GRM8: variants seen among roughly 807,000 people sequenced by gnomAD.
GRM8 encodes metabotropic glutamate receptor 8.
In GRM8, 47 loss-of-function variants were observed where a neutral mutation model predicts 87.2. The ratio of observed to expected loss-of-function variants is 0.54; its 90% CI spans 0.43 to 0.69. The LOEUF (loss-of-function observed/expected upper bound fraction) is 0.69. Among genes scored for constraint, GRM8 ranks in the 30% least tolerant of loss-of-function variants. GRM8 has a pLI of 0.00. For synonymous variants in GRM8, 396 were observed against 404.5 expected (o/e 0.98, Z 0.25); for missense variants, 1,019 against 1,139.2 (o/e 0.89, Z 1.52).
At chr7:127,079,472 A>G (rs1316761690) in intron 3 of GRM8, among the ~76,000 whole-genome samples, 1 of 152,230 alleles carries the variant, frequency 6.6e-6, no homozygotes, top group African/African-American at 2.4e-5. Context: ...TTCTAAGGAT[A>G]GATATTTCAT....
intron 2 of GRM8, among the ~76,000 whole-genome samples, chr7:127,107,293 T>C (rs531955968): frequency 6.6e-6 from 1 of 152,356 alleles, no homozygotes; most frequent in Non-Finnish European, 1.5e-5. Context: ...ATTTGAGAAT[T>C]GCCAGCAGCC....
At chr7:127,055,851 A>G (rs1218560221) in intron 3 of GRM8, among the ~76,000 whole-genome samples, 1 of 152,176 alleles carries the variant, frequency 6.6e-6, no homozygotes, top group African/African-American at 2.4e-5. Context: ...TAGGGTAAAC[A>G]AGATTCTGGG....
intron 3 of GRM8, among the ~76,000 whole-genome samples, chr7:127,010,890 GA>G (rs1363265382): frequency 6.6e-6 from 1 of 151,968 alleles, no homozygotes; most frequent in Admixed American, 6.6e-5. Flanking sequence ...TTTAATGAAA[GA>G]AAGAGAAAGA....
At chr7:127,018,153 C>T (rs1016785892) in intron 3 of GRM8, among the ~76,000 whole-genome samples, 8 of 151,476 alleles carry the variant, frequency 5.3e-5, no homozygotes, top group Non-Finnish European at 1.2e-4. Flanking sequence ...GTAATAAATA[C>T]GCAAAAAAGA....
chr7:126,827,640 TA>T (rs1401828775), intron 6 of GRM8, among the ~76,000 whole-genome samples: 1 of 152,228 alleles, frequency 6.6e-6, no homozygotes, highest in Non-Finnish European at 1.5e-5. Context: ...TTTCTAGATA[TA>T]TAATCATGTC....
intron 3 of GRM8, among the ~76,000 whole-genome samples, chr7:126,987,062 G>T (rs1751265384): frequency 6.6e-6 from 1 of 152,164 alleles, no homozygotes. Flanking sequence ...GAACCTATGA[G>T]TCTGGCTCCA....
intron 6 of GRM8, among the ~76,000 whole-genome samples, chr7:126,816,446 A>C (rs1332216456): frequency 1.5e-4 from 23 of 152,140 alleles, no homozygotes. Context: ...CCAGAATACT[A>C]AACTCTAGCA....
At chr7:126,865,830 T>C (rs893124376) in intron 6 of GRM8, among the ~76,000 whole-genome samples, 1 of 152,218 alleles carries the variant, frequency 6.6e-6, no homozygotes, top group African/African-American at 2.4e-5. Flanking sequence ...TGTTCATTAA[T>C]TGATGGATAT....
chr7:126,547,805 A>G (rs1016234829), intron 8 of GRM8, among the ~76,000 whole-genome samples: 1 of 152,112 alleles, frequency 6.6e-6, no homozygotes, highest in Admixed American at 6.6e-5. Context: ...ACATATAAAA[A>G]TATACAAACA....
chr7:127,083,750 C>T (rs1472071719), intron 3 of GRM8, among the ~76,000 whole-genome samples: 2 of 152,122 alleles, frequency 1.3e-5, no homozygotes. Context: ...AGGAATGCTG[C>T]TCCCTTTTCC....
intron 2 of GRM8, among the ~76,000 whole-genome samples, chr7:127,193,126 T>A (rs1014760572): frequency 6.6e-6 from 1 of 152,234 alleles, no homozygotes; most frequent in Non-Finnish European, 1.5e-5. Flanking sequence ...CATATTTGAA[T>A]GTCCAGTTAT....
chr7:127,076,765 G>C (rs1364365704), intron 3 of GRM8, among the ~76,000 whole-genome samples: 3 of 152,156 alleles, frequency 2.0e-5, no homozygotes, highest in Admixed American at 6.5e-5. Context: ...CATTGGGCTG[G>C]TCTGGCTCAA....
chr7:127,175,286 G>A (rs1222703500), intron 2 of GRM8, among the ~76,000 whole-genome samples: 1 of 152,114 alleles, frequency 6.6e-6, no homozygotes, highest in East Asian at 1.9e-4. Flanking sequence ...GAATCAGTGA[G>A]CTTGAAGATA....
chr7:126,443,746 G>A (rs1801714441), intron 10 of GRM8, among the ~76,000 whole-genome samples: 1 of 151,842 alleles, frequency 6.6e-6, no homozygotes, highest in East Asian at 1.9e-4. Context: ...AATAGGCCTT[G>A]TTTTTGCAAT....
intron 10 of GRM8, among the ~76,000 whole-genome samples, chr7:126,443,693 G>A (rs77697775): frequency 2.4e-3 from 371 of 151,788 alleles, no homozygotes; most frequent in African/African-American, 8.2e-3. Flanking sequence ...CCTTCTAAAC[G>A]TGAGCATCTG....
intron 3 of GRM8, among the ~76,000 whole-genome samples, chr7:127,065,309 G>A (rs1367831572): frequency 6.6e-6 from 1 of 152,136 alleles, no homozygotes; most frequent in Non-Finnish European, 1.5e-5. Context: ...ATAAGTGGAA[G>A]CTAAATAAGA....
At chr7:126,891,567 G>A (rs778367540) in intron 6 of GRM8, among the ~76,000 whole-genome samples, 1 of 151,878 alleles carries the variant, frequency 6.6e-6, no homozygotes, top group Non-Finnish European at 1.5e-5. Context: ...CTCTACAACT[G>A]CCATCCTTTC....
At chr7:126,439,219 T>G (rs772086456) in intron 10 of GRM8, 51 bp from the exon 11 acceptor site, 1 of 985,012 alleles carries the variant, frequency 1.0e-6, no homozygotes, top group Non-Finnish European at 1.6e-6. Context: ...AATACATCCT[T>G]TTGTTAATAT....
chr7:127,175,396 G>A (rs369744760), intron 2 of GRM8, among the ~76,000 whole-genome samples: 6 of 152,080 alleles, frequency 3.9e-5, no homozygotes, highest in Admixed American at 3.9e-4. Context: ...TTCAAAAAGT[G>A]TAACATACAT....
Sources: allele counts gnomAD v4.1 joint callset (sites outside exome capture counted in the v4.1 genomes callset), GRCh38; gene constraint gnomAD v4.1.1; transcripts MANE v1.5; gene names NCBI Gene and HGNC (gene_info 2026-07-23, HGNC 2026-07-21).